The following SP100 variants were observed in gnomAD, a reference collection of about 807,000 sequenced individuals.
SP100 encodes SP100 nuclear body protein, also known as nuclear autoantigen Sp-100.
In SP100, 84 loss-of-function variants were observed where a neutral mutation model predicts 130.0. The observed-to-expected ratio is 0.65, with a 90% CI of 0.54 to 0.77. SP100 has a LOEUF of 0.77. Ranked by LOEUF, SP100 falls within the 30% of genes least tolerant of loss-of-function variation. SP100 has a pLI of 0.00. For missense variants in SP100, 978 were observed against 1,052.2 expected (o/e 0.93, Z 0.97); for synonymous variants, 331 against 351.7 (o/e 0.94, Z 0.66).
At chr2:230,515,509 C>T (rs374287057) in intron 24 of SP100, 48 of 1,609,932 alleles carry the variant, frequency 3.0e-5, no homozygotes, top group Admixed American at 1.0e-4. Context: ...TGCTGCATAT[C>T]GAGCTAAAGG....
intron 11 of SP100, 111 bp from the exon 12 acceptor site, chr2:230,466,184 CAAAAAA>C (rs57983447): frequency 3.9e-6 from 1 of 255,300 alleles, no homozygotes; most frequent in Non-Finnish European, 6.9e-6. Context: ...GACTCCATCT[CAAAAAA>C]AAAAAAAAAA....
At chr2:230,461,183 CAG>C in intron 8 of SP100, 77 bp from the exon 9 acceptor site, 2 of 1,387,248 alleles carry the variant, frequency 1.4e-6, no homozygotes, top group Non-Finnish European at 2.0e-6. Context: ...AGTGAAATTG[CAG>C]AGAGGGGGAG....
chr2:230,491,008 G>C (rs755478500), intron 17 of SP100, among the ~76,000 whole-genome samples: 1 of 152,112 alleles, frequency 6.6e-6, no homozygotes, highest in Non-Finnish European at 1.5e-5. Context: ...TCTTGAATTT[G>C]CATGTTGGCC....
chr2:230,485,463 TAAAC>T (rs1215108588), intron 17 of SP100, among the ~76,000 whole-genome samples: 2 of 152,198 alleles, frequency 1.3e-5, no homozygotes, highest in South Asian at 2.1e-4. Context: ...TTGATCCTGT[TAAAC>T]AAATAATTTG....
chr2:230,426,564 T>G (rs1236618991), intron 2 of SP100, among the ~76,000 whole-genome samples: 1 of 152,224 alleles, frequency 6.6e-6, no homozygotes, highest in Non-Finnish European at 1.5e-5. Flanking sequence ...TTCTTCAAAT[T>G]TCCTCCTGTT....
chr2:230,454,898 T>C (rs1366115159), intron 8 of SP100, among the ~76,000 whole-genome samples: 1 of 152,162 alleles, frequency 6.6e-6, no homozygotes. Flanking sequence ...TCCCCTAGTA[T>C]TATTGTATTA....
chr2:230,519,212 G>A (rs1165273568), intron 24 of SP100, among the ~76,000 whole-genome samples: 1 of 152,136 alleles, frequency 6.6e-6, no homozygotes, highest in Non-Finnish European at 1.5e-5. Context: ...CATTTAAAGG[G>A]TATTGTCTGA....
At chr2:230,445,498 C>T (rs1010113032) in intron 4 of SP100, among the ~76,000 whole-genome samples, 4 of 152,088 alleles carry the variant, frequency 2.6e-5, no homozygotes, top group Non-Finnish European at 5.9e-5. Flanking sequence ...GAAGTTTACT[C>T]GCTAGGCAAT....
chr2:230,485,554 A>C (rs1440176186), intron 17 of SP100, among the ~76,000 whole-genome samples: 1 of 152,150 alleles, frequency 6.6e-6, no homozygotes, highest in Non-Finnish European at 1.5e-5. Context: ...TTCTATTAAT[A>C]GTGTGTTTCT....
At chr2:230,484,194 G>A (rs1217138267) in intron 17 of SP100, among the ~76,000 whole-genome samples, 1 of 152,236 alleles carries the variant, frequency 6.6e-6, no homozygotes, top group Non-Finnish European at 1.5e-5. Flanking sequence ...TGTTTACAGT[G>A]TGAACGCTGA....
intron 15 of SP100, among the ~76,000 whole-genome samples, chr2:230,470,834 T>C (rs1246182088): frequency 6.6e-6 from 1 of 152,056 alleles, no homozygotes; most frequent in Non-Finnish European, 1.5e-5. Flanking sequence ...CGCAAGGAAC[T>C]CAGAATATTC....
chr2:230,515,903 G>A, intron 24 of SP100: 5 of 1,189,656 alleles, frequency 4.2e-6, no homozygotes, highest in Non-Finnish European at 5.2e-6. Context: ...GTTCTTGTTA[G>A]TGCACAGCAC....
rs1218065405 is a variant in SP100, at chr2:230,460,784, C to T, written c.821-478C>T. 4.6e-5 allele frequency among the ~76,000 whole-genome samples: 3 copies of T among 65,294 alleles called. 1 individual carries two copies. The highest frequency in any genetic ancestry group is 8.9e-5 in the Non-Finnish European group (3 of 33,738). The allele number at this position is 65,294 out of a possible 152,430, so 42.8% of individuals were successfully genotyped here. A position where few individuals can be genotyped will look rare whatever the true frequency, so the allele number is the denominator to read the frequency against. On this transcript the variant is annotated intron_variant, in intron 8 of 28. Coordinates refer to ENST00000340126, the MANE Select transcript of SP100 (RefSeq NM_001080391.2). ...GACTACAGGCGCCCGCCACCGCGCC[C>T]GGCTAATTTTTTGTATTTTTAGTAG...
At chr2:230,475,945 T>C (rs923427449) in intron 17 of SP100, among the ~76,000 whole-genome samples, 1 of 152,218 alleles carries the variant, frequency 6.6e-6, no homozygotes, top group Non-Finnish European at 1.5e-5. Flanking sequence ...TGTAGCCTTA[T>C]AGTATAGTTA....
At chr2:230,460,016 T>A (rs1047521317) in intron 8 of SP100, among the ~76,000 whole-genome samples, 1 of 152,226 alleles carries the variant, frequency 6.6e-6, no homozygotes, top group African/African-American at 2.4e-5. Context: ...AAGCTTCCTT[T>A]ACTTACTGGA....
intron 24 of SP100, chr2:230,515,583 G>A (rs1270521516): frequency 1.9e-6 from 3 of 1,601,160 alleles, no homozygotes; most frequent in African/African-American, 2.7e-5. Context: ...AGAAGGAAGA[G>A]GAAGAAGATG....
chr2:230,527,786 A>G (rs1559536026), intron 24 of SP100, among the ~76,000 whole-genome samples: 2 of 152,224 alleles, frequency 1.3e-5, no homozygotes, highest in African/African-American at 4.8e-5. Context: ...AGTCTCTGAT[A>G]AAACAGACTT....
At chr2:230,434,861 G>C (rs1423880522) in intron 2 of SP100, among the ~76,000 whole-genome samples, 1 of 152,162 alleles carries the variant, frequency 6.6e-6, no homozygotes. Flanking sequence ...AGTGTGGCCC[G>C]ACAGACATGA....
At chr2:230,487,009 T>A (rs897328722) in intron 17 of SP100, among the ~76,000 whole-genome samples, 6 of 152,222 alleles carry the variant, frequency 3.9e-5, no homozygotes, top group Non-Finnish European at 8.8e-5. Context: ...CTTTGTCCAC[T>A]TTTTGATGGT....
Sources: gnomAD v4.1 joint callset for allele counts (sites outside exome capture counted in the v4.1 genomes callset) on GRCh38, gnomAD v4.1.1 for gene constraint, MANE v1.5 for transcripts, NCBI Gene and HGNC (gene_info 2026-07-23, HGNC 2026-07-21) for gene names.